Variants in CDH18 observed in about 807,000 individuals in gnomAD.
CDH18 encodes cadherin-18.
Under a neutral mutation model 67.9 loss-of-function variants are expected in CDH18, and 31 were observed. That is an observed-to-expected ratio of 0.46 (90% CI 0.34 to 0.62). CDH18 has a LOEUF of 0.62. CDH18 is among the 20% of genes least tolerant of loss of function. CDH18 has a pLI of 0.01. For missense variants in CDH18, 890 were observed against 975.5 expected (o/e 0.91, Z 1.17); for synonymous variants, 362 against 347.2 (o/e 1.04, Z -0.48).
chr5:20,334,428 C>T (rs571600462), intron 1 of CDH18, among the ~76,000 whole-genome samples: 23 of 151,952 alleles, frequency 1.5e-4, no homozygotes, highest in Middle Eastern at 6.8e-3. Context: ...TGAGCCACCG[C>T]GCCCGGCCTG....
chr5:20,404,491 T>A (rs1363883498), intron 1 of CDH18, among the ~76,000 whole-genome samples: 1 of 152,124 alleles, frequency 6.6e-6, no homozygotes, highest in Non-Finnish European at 1.5e-5. Context: ...ACAATTTTTT[T>A]AAGCCTAATT....
chr5:20,203,247 G>A (rs1488647015), intron 2 of CDH18, among the ~76,000 whole-genome samples: 1 of 152,132 alleles, frequency 6.6e-6, no homozygotes, highest in Non-Finnish European at 1.5e-5. Flanking sequence ...AGCATTGCAA[G>A]TGTTTACAGG....
chr5:19,847,766 C>T (rs1185900260), intron 2 of CDH18, among the ~76,000 whole-genome samples: 3 of 130,194 alleles, frequency 2.3e-5, no homozygotes, highest in African/African-American at 7.9e-5. Flanking sequence ...CCGCAGATCA[C>T]TCAAACTTTC....
chr5:19,713,451 C>T (rs1764966954), intron 5 of CDH18, among the ~76,000 whole-genome samples: 1 of 152,052 alleles, frequency 6.6e-6, no homozygotes, highest in African/African-American at 2.4e-5. Flanking sequence ...TACAATTCAA[C>T]CTAATTCCAT....
intron 2 of CDH18, among the ~76,000 whole-genome samples, chr5:19,960,768 T>TAC (rs1438395814): frequency 1.0e-3 from 142 of 138,622 alleles, no homozygotes; most frequent in African/African-American, 4.4e-3. Context: ...TATATATGTA[T>TAC]ATATACACGT....
chr5:20,235,969 AC>A (rs1346586799), intron 2 of CDH18, among the ~76,000 whole-genome samples: 2 of 152,166 alleles, frequency 1.3e-5, no homozygotes, highest in Non-Finnish European at 2.9e-5. Context: ...GCAGCTGGAA[AC>A]CATTATCCTA....
chr5:20,492,609 G>A (rs572762701), intron 1 of CDH18, among the ~76,000 whole-genome samples: 1 of 152,182 alleles, frequency 6.6e-6, no homozygotes, highest in Non-Finnish European at 1.5e-5. Flanking sequence ...TGACAGGAAA[G>A]GTTGTTCTTG....
intron 2 of CDH18, among the ~76,000 whole-genome samples, chr5:19,863,742 G>T (rs1785153654): frequency 6.6e-6 from 1 of 152,140 alleles, no homozygotes; most frequent in African/African-American, 2.4e-5. Context: ...CTAATAATCA[G>T]GTCACCAGAG....
intron 2 of CDH18, among the ~76,000 whole-genome samples, chr5:19,941,788 C>CA (rs199917780): frequency 0.011 from 1,616 of 150,904 alleles, 27 homozygotes; most frequent in African/African-American, 0.037. Flanking sequence ...CCCTGCCTCT[C>CA]AAAAAAAACA....
chr5:20,408,274 A>C (rs553139783), intron 1 of CDH18, among the ~76,000 whole-genome samples: 6 of 152,120 alleles, frequency 3.9e-5, no homozygotes, highest in Admixed American at 3.9e-4. Context: ...ACAATGCTCA[A>C]ATTGAAACAA....
At chr5:19,868,525 G>C (rs1204863815) in intron 2 of CDH18, among the ~76,000 whole-genome samples, 2 of 152,134 alleles carry the variant, frequency 1.3e-5, no homozygotes, top group African/African-American at 4.8e-5. Flanking sequence ...CCTATGTATA[G>C]TGCATTGATT....
chr5:20,060,724 C>T (rs1742396424), intron 2 of CDH18, among the ~76,000 whole-genome samples: 1 of 152,016 alleles, frequency 6.6e-6, no homozygotes, highest in African/African-American at 2.4e-5. Context: ...AATAAAAATA[C>T]AGTATTCTAC....
At chr5:19,624,709 G>T (rs1751248864) in intron 5 of CDH18, among the ~76,000 whole-genome samples, 1 of 152,126 alleles carries the variant, frequency 6.6e-6, no homozygotes, top group African/African-American at 2.4e-5. Context: ...CACTCCCCAT[G>T]CTGGAGAGCA....
Position 19,472,806 on chromosome 5 carries a change from C to T in CDH18, c.*420G>A. The T allele has an allele frequency of 6.2e-6, 1 of 162,088 alleles. No individual in the cohort carries two copies. The highest frequency in any genetic ancestry group is 1.4e-5 in the Non-Finnish European group (1 of 73,458). 10.0% of individuals were successfully genotyped at this position (162,088 alleles called of 1,614,324 possible). A position where few individuals can be genotyped will look rare whatever the true frequency, so the allele number is the denominator to read the frequency against. ...AAAGTGATAAAAGAGGTTGTGATTA[C>T]CTTCACAAGTTTCCTGTATTAGTGT... On this transcript the variant is annotated 3_prime_UTR_variant, in exon 13 of 13. Transcript: ENST00000382275.
intron 5 of CDH18, among the ~76,000 whole-genome samples, chr5:19,633,276 T>A (rs1752666975): frequency 6.6e-6 from 1 of 152,142 alleles, no homozygotes; most frequent in Admixed American, 6.5e-5. Flanking sequence ...CCCAATTGCA[T>A]TTTGCATGCT....
At chr5:20,366,136 T>C (rs954279065) in intron 1 of CDH18, among the ~76,000 whole-genome samples, 1 of 152,192 alleles carries the variant, frequency 6.6e-6, no homozygotes, top group African/African-American at 2.4e-5. Context: ...TTATGTAAAC[T>C]GAAATATTAT....
chr5:20,447,601 C>CTG lies in CDH18; in HGVS notation c.-580+127860_-580+127861insCA, dbSNP rs562039302. On this transcript the variant is annotated intron_variant, in intron 1 of 14. Coordinates refer to the CDH18 transcript ENST00000507958. ...GTTTTCTAGAAGTTAACCAGTCTCA[C>CTG]ATATTTTTTACAGCACCACAAATGG... Among the ~76,000 whole-genome samples the CTG allele has an allele frequency of 5.3e-5, 8 of 152,288 alleles. No individual in the cohort carries two copies. The South Asian group carries it at 1.4e-3, about 28-fold the overall frequency.
intron 1 of CDH18, among the ~76,000 whole-genome samples, chr5:19,986,738 G>A (rs1336529656): frequency 2.0e-5 from 3 of 152,164 alleles, no homozygotes; most frequent in Non-Finnish European, 2.9e-5. Context: ...CATTATCTAC[G>A]AGTATCACAT....
At chr5:19,884,976 T>C (rs1788045793) in intron 2 of CDH18, among the ~76,000 whole-genome samples, 1 of 152,180 alleles carries the variant, frequency 6.6e-6, no homozygotes, top group Non-Finnish European at 1.5e-5. Context: ...TTATACATTT[T>C]TGCAAAGTGA....
Sources: gnomAD v4.1 joint callset for allele counts (sites outside exome capture counted in the v4.1 genomes callset) on GRCh38, gnomAD v4.1.1 for gene constraint, MANE v1.5 for transcripts, NCBI Gene and HGNC (gene_info 2026-07-23, HGNC 2026-07-21) for gene names.